ECT2L: variants seen among roughly 807,000 people sequenced by gnomAD.
The protein encoded by ECT2L is epithelial cell-transforming sequence 2 oncogene-like.
A neutral mutation model predicts 122.8 loss-of-function variants in ECT2L; 126 were observed. That is an observed-to-expected ratio of 1.03 (90% CI 0.89 to 1.19). ECT2L has a LOEUF of 1.19. Among genes scored for constraint, ECT2L ranks in the 50% most tolerant of loss-of-function variants. The pLI is 0.00. For synonymous variants in ECT2L, 385 were observed against 381.8 expected (o/e 1.01, Z -0.10); for missense variants, 1,012 against 1,064.1 (o/e 0.95, Z 0.68).
chr6:138,884,017 C>T (rs899352906), intron 16 of ECT2L, among the ~76,000 whole-genome samples: 4 of 152,126 alleles, frequency 2.6e-5, no homozygotes. Context: ...GCATGTGCCA[C>T]CACACCTGGC....
intron 20 of ECT2L, among the ~76,000 whole-genome samples, chr6:138,894,402 T>C (rs1201719190): frequency 6.6e-6 from 1 of 152,168 alleles, no homozygotes; most frequent in Non-Finnish European, 1.5e-5. Context: ...GGAGGTCTAA[T>C]TATCAGAAAT....
In ECT2L at chr6:138,868,990, A is replaced by C. The variant is rs370670826; in HGVS notation, c.1578+784A>C. ...GAGACCAGCCTGGCCAACATGGTGA[A>C]ACCCCGTCTCTACTAAAAATACAAA... is the stretch of plus-strand genomic sequence containing the variant. On this transcript the variant is annotated intron_variant, in intron 13 of 21. Coordinates refer to ENST00000541398, the MANE Select transcript of ECT2L (RefSeq NM_001077706.3). Among the ~76,000 whole-genome samples the C allele has an allele frequency of 9.9e-5, 15 of 152,250 alleles. 1 individual carries two copies. Among genetic ancestry groups the C allele is most frequent in the African/African-American group, 3.6e-4 (15 of 41,556 alleles).
chr6:138,846,391 T>C, intron 7 of ECT2L, 148 bp from the exon 8 acceptor site: 1 of 591,866 alleles, frequency 1.7e-6, no homozygotes, highest in South Asian at 4.3e-5. Context: ...CATTTACTAC[T>C]GTCCTCACAA....
At chr6:138,835,533 C>A (rs1776802876) in intron 4 of ECT2L, among the ~76,000 whole-genome samples, 1 of 144,078 alleles carries the variant, frequency 6.9e-6, no homozygotes, top group Middle Eastern at 3.5e-3. Flanking sequence ...GCCTGGGTGA[C>A]AGAGCCAGGC....
intron 19 of ECT2L, 60 bp from the exon 20 acceptor site, chr6:138,888,883 A>G: frequency 1.4e-6 from 1 of 724,782 alleles, no homozygotes; most frequent in Non-Finnish European, 2.0e-6. Flanking sequence ...AATGGTTTGC[A>G]GTAGTAATTT....
chr6:138,799,546 C>T (rs1489614189), intron 1 of ECT2L, among the ~76,000 whole-genome samples: 2 of 151,992 alleles, frequency 1.3e-5, no homozygotes, highest in East Asian at 1.9e-4. Flanking sequence ...TGAGCCACCG[C>T]GCCCGGCCTC....
intron 13 of ECT2L, among the ~76,000 whole-genome samples, chr6:138,876,146 G>C (rs974945307): frequency 6.6e-6 from 1 of 151,856 alleles, no homozygotes; most frequent in Non-Finnish European, 1.5e-5. Flanking sequence ...AAAGAAGTCT[G>C]TTACCCAGGA....
At chr6:138,880,459 G>A (rs1778607132) in intron 14 of ECT2L, among the ~76,000 whole-genome samples, 1 of 152,134 alleles carries the variant, frequency 6.6e-6, no homozygotes, top group East Asian at 1.9e-4. Context: ...CTGAATTTTG[G>A]AGGGGACACA....
chr6:138,826,596 G>A (rs549610493), intron 4 of ECT2L, among the ~76,000 whole-genome samples: 98 of 152,192 alleles, frequency 6.4e-4, no homozygotes, highest in Non-Finnish European at 1.2e-3. Context: ...GAACCCAGGA[G>A]GCAGAGATTG....
At chr6:138,870,992 C>G (rs62440945) in intron 13 of ECT2L, among the ~76,000 whole-genome samples, 4,079 of 152,186 alleles carry the variant, frequency 0.027, 93 homozygotes, top group Non-Finnish European at 0.043. Flanking sequence ...GCAGAGGTTG[C>G]AGTGAGCCAA....
chr6:138,864,883 C>G, intron 11 of ECT2L, 113 bp from the exon 12 acceptor site: 4 of 992,022 alleles, frequency 4.0e-6, no homozygotes, highest in Non-Finnish European at 5.7e-6. Context: ...TAATGAGAAA[C>G]GATAATAAAC....
chr6:138,893,174 G>GT (rs367734062), intron 20 of ECT2L, among the ~76,000 whole-genome samples: 12,509 of 135,420 alleles, frequency 0.092, 1,094 homozygotes, highest in African/African-American at 0.25. Context: ...GTTTTTTTTT[G>GT]TTTTTTTTTT....
chr6:138,873,896 G>GTGTGTGTGTGTGTGTGTGTGTGTA (rs1167591342), intron 13 of ECT2L, among the ~76,000 whole-genome samples: 27 of 149,680 alleles, frequency 1.8e-4, no homozygotes, highest in African/African-American at 6.2e-4. Context: ...GTGTGTGTGT[G>GTGTGTGTGTGTGTGTGTGTGTGTA]TGTGTGTGTG....
intron 19 of ECT2L, among the ~76,000 whole-genome samples, 163 bp from the exon 20 acceptor site, chr6:138,888,776 GTCTT>G (rs1213495332): frequency 9.9e-5 from 15 of 152,016 alleles, no homozygotes; most frequent in East Asian, 1.9e-4. Flanking sequence ...CAATACTGTG[GTCTT>G]TCTAAGAAAA....
intron 10 of ECT2L, among the ~76,000 whole-genome samples, chr6:138,857,505 C>T (rs1018306018): frequency 1.3e-5 from 2 of 152,160 alleles, no homozygotes; most frequent in African/African-American, 4.8e-5. Flanking sequence ...TGTACTGGCA[C>T]TACTTTTGGA....
chr6:138,836,433 C>T (rs963638936), intron 4 of ECT2L, among the ~76,000 whole-genome samples: 5 of 151,748 alleles, frequency 3.3e-5, no homozygotes, highest in East Asian at 1.9e-4. Context: ...GGATTACAAG[C>T]GTACACCACC....
intron 20 of ECT2L, among the ~76,000 whole-genome samples, chr6:138,896,656 ACT>A (rs1192522559): frequency 6.6e-6 from 1 of 151,754 alleles, no homozygotes; most frequent in African/African-American, 2.4e-5. Context: ...ATGTACTGAA[ACT>A]CTCTTTTTGA....
chr6:138,829,022 A>AT (rs61589748), intron 4 of ECT2L, among the ~76,000 whole-genome samples: 8,775 of 123,532 alleles, frequency 0.071, 362 homozygotes, highest in East Asian at 0.3. Context: ...TAAGTTTAAA[A>AT]TTTTTTTTTT....
intron 4 of ECT2L, among the ~76,000 whole-genome samples, chr6:138,826,162 G>A (rs1334787413): frequency 6.6e-6 from 1 of 152,122 alleles, no homozygotes; most frequent in African/African-American, 2.4e-5. Context: ...CCCACTTAGA[G>A]GCCATGGCCT....
Sources: allele counts gnomAD v4.1 joint callset (sites outside exome capture counted in the v4.1 genomes callset), GRCh38; gene constraint gnomAD v4.1.1; transcripts MANE v1.5; gene names NCBI Gene and HGNC (gene_info 2026-07-23, HGNC 2026-07-21).